TCEA1: variants seen among roughly 807,000 people sequenced by gnomAD.
TCEA1 encodes the protein transcription elongation factor A1, also known as transcription elongation factor A protein 1.
Under a neutral mutation model 43.8 loss-of-function variants are expected in TCEA1, and 21 were observed. That is an observed-to-expected ratio of 0.48 (90% CI 0.34 to 0.69). The LOEUF is 0.69. Among genes scored for constraint, TCEA1 ranks in the 30% least tolerant of loss-of-function variants. The pLI is 0.01. For missense variants in TCEA1, 250 were observed against 365.1 expected (o/e 0.68, Z 2.57); for synonymous variants, 104 against 117.5 (o/e 0.88, Z 0.75).
At chr8:54,013,812 T>C (rs1315473133) in intron 1 of TCEA1, among the ~76,000 whole-genome samples, 1 of 152,196 alleles carries the variant, frequency 6.6e-6, no homozygotes, top group Non-Finnish European at 1.5e-5. Context: ...TGCTGCTATG[T>C]GCTTGGCATT....
In TCEA1 at chr8:54,010,452, G is replaced by C. The variant is rs1804615821; in HGVS notation, c.104C>G (p.Pro35Arg). 1.2e-6 allele frequency: 2 copies of C among 1,606,600 alleles called. No homozygotes were observed. Among genetic ancestry groups the C allele is most frequent in the Non-Finnish European group, 1.7e-6 (2 of 1,177,264 alleles). The stretch of plus-strand genomic sequence containing the variant: ...TACCTGCAGTAATTCCAGGGTCATA[G>C]GAATATTCTTAAGCTCCTTTAGCAA... ...LDLLKELKNIPMTLELLQSTR... is the reference protein window; with the variant it reads ...LDLLKELKNIRMTLELLQSTR... Residue 35 changes from proline (P) to arginine (R), a missense_variant, in exon 2 of 10, where the codon CCT becomes CGT. Around this residue, in one of 4 missense-constraint regions of TCEA1, gnomAD observed 27 missense variants for 63.1 expected, o/e 0.43. Coordinates refer to ENST00000521604, the MANE Select transcript of TCEA1 (RefSeq NM_006756.4).
chr8:54,002,194 G>T (rs995117839), intron 2 of TCEA1, among the ~76,000 whole-genome samples: 1 of 151,590 alleles, frequency 6.6e-6, no homozygotes, highest in African/African-American at 2.4e-5. Context: ...AAAAAAGGGC[G>T]GGTATGGTGG....
chr8:53,982,845 G>A (rs1427659099), intron 7 of TCEA1, among the ~76,000 whole-genome samples: 1 of 152,160 alleles, frequency 6.6e-6, no homozygotes, highest in Non-Finnish European at 1.5e-5. Context: ...AAAGGATTTA[G>A]AATAATATGT....
chr8:53,976,782 C>A (rs1803346562), intron 8 of TCEA1, among the ~76,000 whole-genome samples: 1 of 152,074 alleles, frequency 6.6e-6, no homozygotes, highest in African/African-American at 2.4e-5. Context: ...GAAAATAGAG[C>A]AATTCAAACT....
At chr8:53,981,677 A>G (rs1431485369) in intron 7 of TCEA1, among the ~76,000 whole-genome samples, 1 of 152,190 alleles carries the variant, frequency 6.6e-6, no homozygotes, top group Non-Finnish European at 1.5e-5. Context: ...GGAGACATAC[A>G]AGGAGATTAA....
At chr8:53,992,305 C>A (rs748882402) in intron 4 of TCEA1, among the ~76,000 whole-genome samples, 1 of 151,892 alleles carries the variant, frequency 6.6e-6, no homozygotes, top group South Asian at 2.1e-4. Context: ...GAGCAAGACT[C>A]TGTCTCAAAA....
In TCEA1 at chr8:53,986,999, C is replaced by G; in HGVS notation, c.493G>C (p.Glu165Gln). 1 of 1,601,468 alleles carries G rather than the reference C, an allele frequency of 6.2e-7. No homozygotes were observed. The highest frequency in any genetic ancestry group is 8.5e-7 in the Non-Finnish European group (1 of 1,174,332). Residue 165 changes from glutamate to glutamine, a missense_variant, in exon 6 of 10, where the codon GAG (glutamate) becomes CAG (glutamine). This residue lies in a region of TCEA1 where 147 missense variants were observed against 160.3 expected (regional missense o/e 0.92). Coordinates refer to ENST00000521604, the MANE Select transcript of TCEA1 (RefSeq NM_006756.4). ...GDDYIAIGAD[E>Q]EELGSQIEEA... The stretch of plus-strand genomic sequence containing the variant: ...TCAATTTGAGATCCTAATTCTTCCT[C>G]ATCAGCTCCAATTGCAATGTAGTCA...
intron 8 of TCEA1, among the ~76,000 whole-genome samples, chr8:53,975,565 A>G (rs1350177068): frequency 6.6e-6 from 1 of 152,258 alleles, no homozygotes; most frequent in Non-Finnish European, 1.5e-5. Flanking sequence ...CGTAAAAAGT[A>G]GGGAAAGTCT....
At position 54,022,047 on chromosome 8, in the gene TCEA1, C is replaced by G; in HGVS notation, c.63+16G>C. Reference sequence around the variant, plus strand: ...GCCCGGCCTCCCTCCCGGCCCGCGCCGCTCGCCGCGCTCACCGCGTTCTTC... The same window carrying G: ...GCCCGGCCTCCCTCCCGGCCCGCGCGGCTCGCCGCGCTCACCGCGTTCTTC... On this transcript the variant is annotated intron_variant, in intron 1 of 9. Transcript: ENST00000521604. 1.3e-6 allele frequency: 2 copies of G among 1,574,582 alleles called. No homozygotes were observed. The highest frequency in any genetic ancestry group is 1.7e-6 in the Non-Finnish European group (2 of 1,162,316).
chr8:53,986,940 A>G (rs1223207218), intron 6 of TCEA1, 29 bp downstream of exon 6: 1 of 1,527,736 alleles, frequency 6.5e-7, no homozygotes, highest in African/African-American at 1.4e-5. Context: ...ATTAAAAAAA[A>G]CAATTATGAA....
chr8:54,003,498 C>T lies in TCEA1; in HGVS notation c.127-3448G>A, dbSNP rs116839677. Among the ~76,000 whole-genome samples the T allele has an allele frequency of 4.3e-3, 652 of 152,252 alleles. 4 individuals carry two copies. Among genetic ancestry groups the T allele is most frequent in the African/African-American group, 0.014 (600 of 41,558 alleles). On this transcript the variant is annotated intron_variant, in intron 2 of 9. Transcript: ENST00000521604. Reference sequence around the variant, plus strand: ...CATAGTACTGGCAAAAGGATGGACGCGCAGATCAATGGGATAAATTTAAGA... The same window carrying T: ...CATAGTACTGGCAAAAGGATGGACGTGCAGATCAATGGGATAAATTTAAGA...
intron 2 of TCEA1, among the ~76,000 whole-genome samples, chr8:54,007,678 A>G (rs917621646): frequency 6.6e-6 from 1 of 152,212 alleles, no homozygotes; most frequent in African/African-American, 2.4e-5. Context: ...GTTAGCCATT[A>G]ATGAAAATAA....
intron 3 of TCEA1, among the ~76,000 whole-genome samples, chr8:53,998,746 T>A (rs377109829): frequency 1.2e-4 from 19 of 152,196 alleles, no homozygotes; most frequent in African/African-American, 4.3e-4. Context: ...TAATTGATAG[T>A]GAAAGATCAC....
At chr8:54,021,939 G>A in intron 1 of TCEA1, 124 bp downstream of exon 1, 1 of 991,110 alleles carries the variant, frequency 1.0e-6, no homozygotes. Flanking sequence ...CGCGGGCGCG[G>A]CGGGCCCGGC....
intron 1 of TCEA1, among the ~76,000 whole-genome samples, chr8:54,015,429 A>C (rs1437302482): frequency 2.0e-5 from 3 of 152,064 alleles, no homozygotes; most frequent in African/African-American, 4.8e-5. Flanking sequence ...CAGCCTCCCA[A>C]AGTGCTGGGA....
chr8:53,991,920 T>C (rs2129305421), intron 4 of TCEA1, among the ~76,000 whole-genome samples: 1 of 151,978 alleles, frequency 6.6e-6, no homozygotes, highest in South Asian at 2.1e-4. Context: ...AAAATAACAG[T>C]GTATGAGACA....
intron 8 of TCEA1, chr8:53,972,374 TA>T: frequency 1.9e-6 from 1 of 530,648 alleles, no homozygotes; most frequent in Non-Finnish European, 3.6e-6. Flanking sequence ...TTGCAAGGGG[TA>T]AAGGAAATAT....
At chr8:53,987,766 T>G (rs28759114) in intron 5 of TCEA1, among the ~76,000 whole-genome samples, 24,736 of 152,152 alleles carry the variant, frequency 0.16, 5,677 homozygotes, top group African/African-American at 0.52. Flanking sequence ...AACAATTCAG[T>G]ATTGTTAACT....
chr8:53,996,903 C>CTTTTTT lies in TCEA1; in HGVS notation c.232+3036_232+3041dup, dbSNP rs754537318. ...AGCTAAGGGGTAAAAAGAAGGTTGT[C>CTTTTTT]TTTTTTTTTTTTTTTAGACAGACTC... On this transcript the variant is annotated intron_variant, in intron 3 of 9. Coordinates refer to ENST00000521604, the MANE Select transcript of TCEA1 (RefSeq NM_006756.4). Among the ~76,000 whole-genome samples the CTTTTTT allele has an allele frequency of 8.6e-4, 100 of 116,592 alleles. 6 individuals carry two copies. Among genetic ancestry groups the CTTTTTT allele is most frequent in the African/African-American group, 3.5e-3 (94 of 26,730 alleles). The allele number at this position is 116,592 out of a possible 152,430, so 76.5% of individuals were successfully genotyped here. A position where few individuals can be genotyped will look rare whatever the true frequency, so the allele number is the denominator to read the frequency against.
Sources: gnomAD v4.1 joint callset for allele counts (sites outside exome capture counted in the v4.1 genomes callset) on GRCh38, gnomAD v4.1.1 for gene constraint, gnomAD v4.1.1 regional missense constraint, MANE v1.5 for transcripts, NCBI Gene and HGNC (gene_info 2026-07-23, HGNC 2026-07-21) for gene names.